TMEM131: variants seen among roughly 807,000 people sequenced by gnomAD.
TMEM131 encodes the protein 2610524E03Rik.
In TMEM131, 66 loss-of-function variants were observed where a neutral mutation model predicts 211.6. That is an observed-to-expected ratio of 0.31 (90% CI 0.26 to 0.38). The LOEUF (loss-of-function observed/expected upper bound fraction) is 0.38. Among genes scored for constraint, TMEM131 ranks in the 10% least tolerant of loss-of-function variants. The pLI is 1.00. For missense variants in TMEM131, 2,036 were observed against 2,299.3 expected, an observed-to-expected ratio of 0.89 and a Z score of 2.34; for synonymous variants, 844 against 841.3, an observed-to-expected ratio of 1.00 and a Z score of -0.06.
intron 29 of TMEM131, among the ~76,000 whole-genome samples, chr2:97,794,685 G>T (rs545359312): frequency 2.0e-5 from 3 of 152,272 alleles, no homozygotes; most frequent in African/African-American, 4.8e-5. Flanking sequence ...ATTTTAAAAA[G>T]ATGTTAAAAT....
chr2:97,977,161 T>C (rs1445804432), intron 1 of TMEM131, among the ~76,000 whole-genome samples: 2 of 152,142 alleles, frequency 1.3e-5, no homozygotes, highest in East Asian at 1.9e-4. Context: ...AAGAGCAAAT[T>C]GGTAAAGTTG....
At chr2:97,785,910 G>C (rs1680227536) in intron 31 of TMEM131, among the ~76,000 whole-genome samples, 1 of 152,170 alleles carries the variant, frequency 6.6e-6, no homozygotes, top group Non-Finnish European at 1.5e-5. Flanking sequence ...ATTCCTTTTG[G>C]GGAAAAGTTC....
At chr2:97,798,779 A>AT (rs922981835) in intron 25 of TMEM131, among the ~76,000 whole-genome samples, 3 of 152,180 alleles carry the variant, frequency 2.0e-5, no homozygotes, top group Non-Finnish European at 2.9e-5. Flanking sequence ...GTTAACTGCT[A>AT]TTTTTTTCCT....
At chr2:97,790,222 T>C (rs1047142061) in intron 31 of TMEM131, among the ~76,000 whole-genome samples, 3 of 152,220 alleles carry the variant, frequency 2.0e-5, no homozygotes, top group Non-Finnish European at 4.4e-5. Flanking sequence ...ATACTACTAG[T>C]TTGCAACCCC....
At chr2:97,820,730 G>A (rs1682074541) in intron 11 of TMEM131, among the ~76,000 whole-genome samples, 1 of 152,036 alleles carries the variant, frequency 6.6e-6, no homozygotes. Flanking sequence ...GGTGGTGGGT[G>A]TCTATAATCC....
chr2:97,854,892 C>A (rs1673773918), intron 5 of TMEM131, among the ~76,000 whole-genome samples: 1 of 152,154 alleles, frequency 6.6e-6, no homozygotes, highest in Non-Finnish European at 1.5e-5. Flanking sequence ...TAAAGCCTAC[C>A]CTGACCACCC....
intron 3 of TMEM131, among the ~76,000 whole-genome samples, chr2:97,893,754 T>C (rs930299713): frequency 3.9e-5 from 6 of 152,120 alleles, no homozygotes; most frequent in African/African-American, 1.4e-4. Context: ...CTTGTAAATT[T>C]AAGTTCTTTG....
chr2:97,972,434 A>AAGGGGAGGGAGGGAGGG (rs1453276047), intron 1 of TMEM131, among the ~76,000 whole-genome samples: 1 of 87,112 alleles, frequency 1.1e-5, no homozygotes, highest in African/African-American at 4.4e-5. Context: ...AAAGGAAAGA[A>AAGGGGAGGGAGGGAGGG]AGGGGAGGGA....
intron 11 of TMEM131, among the ~76,000 whole-genome samples, chr2:97,819,959 A>G (rs904742402): frequency 2.0e-5 from 3 of 152,376 alleles, no homozygotes; most frequent in Admixed American, 1.3e-4. Flanking sequence ...GAGAGAGAGA[A>G]TGATCCTCGT....
intron 1 of TMEM131, among the ~76,000 whole-genome samples, chr2:97,968,881 G>A (rs558654076): frequency 7.6e-4 from 115 of 151,786 alleles, no homozygotes; most frequent in Middle Eastern, 3.4e-3. Context: ...TCTGGAGTTC[G>A]AGACCAGCCT....
At chr2:97,922,960 G>A (rs1287921116) in intron 2 of TMEM131, among the ~76,000 whole-genome samples, 1 of 152,168 alleles carries the variant, frequency 6.6e-6, no homozygotes. Flanking sequence ...GCTCAATATA[G>A]GTTCTCTAAT....
intron 1 of TMEM131, among the ~76,000 whole-genome samples, chr2:97,956,875 A>G (rs1341199524): frequency 6.6e-6 from 1 of 152,090 alleles, no homozygotes; most frequent in African/African-American, 2.4e-5. Context: ...GAGGCAGGCA[A>G]TCACCTGAGG....
At chr2:97,810,108 A>T (rs534651746) in intron 18 of TMEM131, among the ~76,000 whole-genome samples, 4 of 152,324 alleles carry the variant, frequency 2.6e-5, no homozygotes, top group Non-Finnish European at 5.9e-5. Context: ...AAAATAGATT[A>T]TTTTAAAAAA....
At chr2:97,940,902 A>C (rs13410008) in intron 1 of TMEM131, among the ~76,000 whole-genome samples, 3 of 151,662 alleles carry the variant, frequency 2.0e-5, no homozygotes, top group Admixed American at 6.6e-5. Context: ...TACTGCCCAA[A>C]GTAATTTACA....
At chr2:97,807,953 T>C (rs1008803780) in intron 19 of TMEM131, among the ~76,000 whole-genome samples, 1 of 152,208 alleles carries the variant, frequency 6.6e-6, no homozygotes, top group Non-Finnish European at 1.5e-5. Flanking sequence ...GAGTTAAATA[T>C]TGAATTCAGG....
chr2:97,816,972 G>A (rs1681857738), intron 12 of TMEM131, among the ~76,000 whole-genome samples: 3 of 152,120 alleles, frequency 2.0e-5, no homozygotes, highest in African/African-American at 7.2e-5. Flanking sequence ...CATGGCAGTG[G>A]GAGAGGTGAA....
intron 3 of TMEM131, among the ~76,000 whole-genome samples, chr2:97,901,613 T>A (rs1239653789): frequency 6.6e-6 from 1 of 152,088 alleles, no homozygotes; most frequent in African/African-American, 2.4e-5. Flanking sequence ...TAAAAAACAA[T>A]AAAATCCTGT....
intron 3 of TMEM131, among the ~76,000 whole-genome samples, chr2:97,899,197 C>T (rs1675744678): frequency 6.6e-6 from 1 of 152,070 alleles, no homozygotes; most frequent in African/African-American, 2.4e-5. Context: ...TCTACTTTGT[C>T]TGAGAGTAAC....
At chr2:97,858,231 T>C (rs1001563571) in intron 5 of TMEM131, among the ~76,000 whole-genome samples, 4 of 152,216 alleles carry the variant, frequency 2.6e-5, no homozygotes, top group African/African-American at 9.6e-5. Flanking sequence ...AAGGAGTCAG[T>C]GAAAATTCTG....
Sources: gnomAD v4.1 joint callset for allele counts (sites outside exome capture counted in the v4.1 genomes callset) on GRCh38, gnomAD v4.1.1 for gene constraint, MANE v1.5 for transcripts, NCBI Gene and HGNC (gene_info 2026-07-23, HGNC 2026-07-21) for gene names.